MAP3K2: variants seen among roughly 807,000 people sequenced by gnomAD.
MAP3K2 encodes mitogen-activated protein kinase kinase kinase 2.
MAP3K2 carries 24 observed loss-of-function variants against 80.3 expected under a neutral mutation model. That is an observed-to-expected ratio of 0.30 (90% confidence interval 0.22 to 0.42). MAP3K2 has a LOEUF of 0.42. MAP3K2 is among the 10% of genes least tolerant of loss of function. The probability of loss-of-function intolerance (pLI) is 1.00; values close to 1 mark genes in which losing one functional copy is unlikely to be tolerated. For missense variants in MAP3K2, 608 were observed against 750.1 expected (o/e 0.81, Z 2.21); for synonymous variants, 244 against 253.7 (o/e 0.96, Z 0.36).
chr2:127,316,695 C>T lies in MAP3K2; in HGVS notation c.1326+934G>A, dbSNP rs116476950. Among the ~76,000 whole-genome samples the T allele has an allele frequency of 7.5e-3, 1,136 of 152,260 alleles. 8 individuals are homozygous for T. The highest frequency in any genetic ancestry group is 0.012 in the Non-Finnish European group (832 of 68,018). On this transcript the variant is annotated intron_variant, in intron 14 of 16. Transcript: ENST00000682094. ...CAATCATCCTCATCTAATGGTAGCTCTTTGCATTGCTACAGTGGAATAACC... is the reference window on the plus strand; with the variant it reads ...CAATCATCCTCATCTAATGGTAGCTTTTTGCATTGCTACAGTGGAATAACC...
chr2:127,307,887 T>G lies in MAP3K2; in HGVS notation c.1635-83A>C. 3.6e-6 allele frequency: 3 copies of G among 823,158 alleles called. No individual in the cohort carries two copies. Among genetic ancestry groups the G allele is most frequent in the Non-Finnish European group, 5.6e-6 (3 of 531,308 alleles). The allele number at this position is 823,158 out of a possible 1,614,324, so 51.0% of individuals were successfully genotyped here. ...TAGCTAGAAAATGAGAAACAGGCAT[T>G]AAGTCCATATATATTTAAATATGAC... On this transcript the variant is annotated intron_variant, in intron 16 of 16. Coordinates refer to ENST00000682094, the MANE Select transcript of MAP3K2 (RefSeq NM_001371910.2). This position sits in a 1 kb window ranked among gnomAD's most constrained non-coding sequence, Gnocchi z 5.4.
chr2:127,313,534 A>G (rs1323070347), intron 15 of MAP3K2, among the ~76,000 whole-genome samples: 2 of 152,196 alleles, frequency 1.3e-5, no homozygotes, highest in African/African-American at 2.4e-5. Context: ...AGGACGTGCC[A>G]CACCTCAAAG....
chr2:127,373,025 A>C (rs988330868), intron 1 of MAP3K2, among the ~76,000 whole-genome samples: 5 of 152,190 alleles, frequency 3.3e-5, no homozygotes, highest in Admixed American at 1.3e-4. Flanking sequence ...CTTTTATACT[A>C]TTCCCCTAGC....
intron 1 of MAP3K2, among the ~76,000 whole-genome samples, chr2:127,368,778 A>AT (rs889336807): frequency 3.1e-4 from 46 of 149,296 alleles, no homozygotes; most frequent in African/African-American, 1.0e-3. Context: ...TTAAATTTGT[A>AT]TTTTTTTTTT....
At chr2:127,312,335 A>C (rs1685822556) in intron 15 of MAP3K2, among the ~76,000 whole-genome samples, 1 of 152,210 alleles carries the variant, frequency 6.6e-6, no homozygotes, top group Non-Finnish European at 1.5e-5. Flanking sequence ...CAATATAATC[A>C]ATTAATTTTC....
At chr2:127,383,739 C>G (rs780204279) in intron 1 of MAP3K2, among the ~76,000 whole-genome samples, 2 of 152,172 alleles carry the variant, frequency 1.3e-5, no homozygotes, top group Non-Finnish European at 2.9e-5. Flanking sequence ...GGAGGACCAT[C>G]TGAGGCAAAG....
Position 127,373,743 on chromosome 2 carries a change from G to A in MAP3K2, c.-66+13709C>T, listed in dbSNP as rs187681742. 3.9e-4 allele frequency among the ~76,000 whole-genome samples: 59 copies of A among 152,198 alleles called. 1 individual carries two copies. The East Asian group carries it at 7.5e-3, about 19-fold the overall frequency. On this transcript the variant is annotated intron_variant, in intron 1 of 16. Transcript: ENST00000682094. ...AGAATGGGTTTTTTGCTCACATACCGGGACTAAAACACTCTCTCTCTATGT... is the reference window on the plus strand; with the variant it reads ...AGAATGGGTTTTTTGCTCACATACCAGGACTAAAACACTCTCTCTCTATGT...
At chr2:127,316,328 C>T (rs1176303658) in intron 14 of MAP3K2, among the ~76,000 whole-genome samples, 5 of 152,300 alleles carry the variant, frequency 3.3e-5, no homozygotes, top group Middle Eastern at 6.8e-3. Flanking sequence ...GAGCTGAGAT[C>T]GTGCCATTGC....
intron 1 of MAP3K2, among the ~76,000 whole-genome samples, chr2:127,367,448 C>G (rs1282425587): frequency 1.3e-5 from 2 of 152,150 alleles, no homozygotes; most frequent in Admixed American, 1.3e-4. Context: ...TAAACTGAAT[C>G]AGGAGACATT....
Position 127,339,312 on chromosome 2 carries a change from G to A in MAP3K2, c.5-262C>T. On this transcript the variant is annotated intron_variant, in intron 2 of 16. Coordinates refer to ENST00000682094, the MANE Select transcript of MAP3K2 (RefSeq NM_001371910.2). The surrounding 1 kb of genome is among the most constrained non-coding windows in gnomAD (Gnocchi z 4.2). ...ATTCTTCCAATGATTTAATATCCTAGAATAAGGTCAAAACTGCCCTGTTAT... is the reference window on the plus strand; with the variant it reads ...ATTCTTCCAATGATTTAATATCCTAAAATAAGGTCAAAACTGCCCTGTTAT... Among the ~76,000 whole-genome samples, 1 of 151,786 alleles carries A rather than the reference G, an allele frequency of 6.6e-6. No homozygotes were observed. The highest frequency in any genetic ancestry group is 1.9e-4 in the East Asian group (1 of 5,188).
At chr2:127,342,113 GATAC>G (rs1181761214) in intron 2 of MAP3K2, among the ~76,000 whole-genome samples, 4 of 152,032 alleles carry the variant, frequency 2.6e-5, no homozygotes, top group Middle Eastern at 3.2e-3. Context: ...AAATTTGATC[GATAC>G]ATAGAGTACA....
intron 1 of MAP3K2, among the ~76,000 whole-genome samples, chr2:127,350,414 C>T (rs961071771): frequency 1.2e-4 from 16 of 134,506 alleles, no homozygotes; most frequent in Non-Finnish European, 2.1e-4. Flanking sequence ...CCCACCAGGG[C>T]GACATGGCAA....
Position 127,322,770 on chromosome 2 carries a change from T to A in MAP3K2, c.839-518A>T, listed in dbSNP as rs1686051411. Among the ~76,000 whole-genome samples, 1 of 151,634 alleles carries A rather than the reference T, an allele frequency of 6.6e-6. No individual in the cohort carries two copies. The highest frequency in any genetic ancestry group is 2.4e-5 in the African/African-American group (1 of 41,348). ...CACCATGCCCAGCTAATTTTTTGTA[T>A]TTTTAGTAGAGACGGGGTTTCATCA... On this transcript the variant is annotated intron_variant, in intron 11 of 16. Coordinates refer to ENST00000682094, the MANE Select transcript of MAP3K2 (RefSeq NM_001371910.2). This position sits in a 1 kb window ranked among gnomAD's most constrained non-coding sequence, Gnocchi z 4.2.
intron 1 of MAP3K2, among the ~76,000 whole-genome samples, chr2:127,370,781 C>T (rs542987722): frequency 6.6e-6 from 1 of 152,174 alleles, no homozygotes; most frequent in South Asian, 2.1e-4. Flanking sequence ...CAGCTCTGGC[C>T]CCGTTATACA....
chr2:127,346,022 T>TAA (rs56656556), intron 1 of MAP3K2, among the ~76,000 whole-genome samples: 1 of 147,580 alleles, frequency 6.8e-6, no homozygotes, highest in African/African-American at 2.5e-5. Flanking sequence ...CACTGAAATT[T>TAA]AAAAAAAAAA....
intron 1 of MAP3K2, among the ~76,000 whole-genome samples, chr2:127,361,270 A>C (rs1686883846): frequency 6.9e-6 from 1 of 145,754 alleles, no homozygotes; most frequent in Admixed American, 7.0e-5. Flanking sequence ...TGAAGATCAC[A>C]CCACTGCACT....
chr2:127,341,517 GT>G (rs71336233), intron 2 of MAP3K2, among the ~76,000 whole-genome samples: 3 of 121,212 alleles, frequency 2.5e-5, no homozygotes, highest in Admixed American at 9.3e-5. Flanking sequence ...AGTACAATGG[GT>G]TTTTTTTTGT....
chr2:127,362,053 TA>T (rs151153075), intron 1 of MAP3K2, among the ~76,000 whole-genome samples: 2,167 of 152,334 alleles, frequency 0.014, 48 homozygotes, highest in African/African-American at 0.05. Flanking sequence ...TTCTCCTTTT[TA>T]AGGTATTACT....
chr2:127,346,409 TTAAAAAAAA>T (rs1686596139), intron 1 of MAP3K2, among the ~76,000 whole-genome samples: 3 of 85,314 alleles, frequency 3.5e-5, no homozygotes, highest in African/African-American at 1.2e-4. Flanking sequence ...AAAACTGGTT[TTAAAAAAAA>T]AAAAAAAAAA....
Sources: gnomAD v4.1 joint callset for allele counts (sites outside exome capture counted in the v4.1 genomes callset) on GRCh38, gnomAD v4.1.1 for gene constraint, Gnocchi (gnomAD v3.1) non-coding constraint, MANE v1.5 for transcripts, NCBI Gene and HGNC (gene_info 2026-07-23, HGNC 2026-07-21) for gene names.